Variants in ANKRD13A observed in about 807,000 individuals in gnomAD.
The protein encoded by ANKRD13A is ankyrin repeat domain-containing protein 13A.
In ANKRD13A, 48 loss-of-function variants were observed where a neutral mutation model predicts 81.3. The ratio of observed to expected loss-of-function variants is 0.59; its 90% CI spans 0.47 to 0.75. The LOEUF (loss-of-function observed/expected upper bound fraction) is 0.75. ANKRD13A is among the 30% of genes least tolerant of loss of function. The pLI, the probability that ANKRD13A is intolerant of heterozygous loss-of-function variation, is 0.00. For missense variants in ANKRD13A, 612 were observed against 734.0 expected (o/e 0.83, Z 1.92); for synonymous variants, 230 against 270.1 (o/e 0.85, Z 1.45).
chr12:109,999,724 C>T lies in ANKRD13A; in HGVS notation c.36C>T (p.Pro12=). The T allele has an allele frequency of 1.3e-6, 2 of 1,537,776 alleles. No homozygotes were observed. The highest frequency in any genetic ancestry group is 1.2e-5 in the South Asian group (1 of 82,630). The change falls in exon 1 of 15, where the codon CCC becomes CCT. Residue 12 remains proline, a synonymous_variant. Coordinates refer to ENST00000261739, the MANE Select transcript of ANKRD13A (RefSeq NM_033121.2). This position sits in a 1 kb window ranked among gnomAD's most constrained non-coding sequence, Gnocchi z 4.3. ...SSACDAGDHY[P]LHLLVWKNDY... is the part of the protein sequence containing the mutation. ...CCTGCGACGCGGGCGACCACTACCCCCTGCACCTCCTAGTCTGGAAAAACG... is the reference window on the plus strand; with the variant it reads ...CCTGCGACGCGGGCGACCACTACCCTCTGCACCTCCTAGTCTGGAAAAACG...
intron 12 of ANKRD13A, among the ~76,000 whole-genome samples, chr12:110,031,414 C>T (rs1891684525): frequency 6.6e-6 from 1 of 151,544 alleles, no homozygotes; most frequent in African/African-American, 2.4e-5. Context: ...TGCAGTGGCA[C>T]AATCTCTGCT....
At chr12:110,005,174 C>T (rs966980477) in intron 1 of ANKRD13A, among the ~76,000 whole-genome samples, 8 of 151,968 alleles carry the variant, frequency 5.3e-5, no homozygotes, top group African/African-American at 1.9e-4. Context: ...GTTTTTGAGA[C>T]AGGGTCTCAC....
At chr12:110,007,964 T>C (rs1311524297) in intron 1 of ANKRD13A, among the ~76,000 whole-genome samples, 3 of 152,190 alleles carry the variant, frequency 2.0e-5, no homozygotes, top group African/African-American at 7.2e-5. Context: ...TCATCTTCCT[T>C]TCCATTCTGG....
chr12:110,016,566 A>G, intron 4 of ANKRD13A, 133 bp downstream of exon 4: 1 of 797,942 alleles, frequency 1.3e-6, no homozygotes, highest in East Asian at 2.7e-5. Flanking sequence ...GAATAAGGAA[A>G]AATAATCACT....
At chr12:110,006,169 C>A (rs1306388275) in intron 1 of ANKRD13A, among the ~76,000 whole-genome samples, 2 of 152,154 alleles carry the variant, frequency 1.3e-5, no homozygotes, top group African/African-American at 2.4e-5. Context: ...TGGGTATATA[C>A]CTTGGAGAGG....
chr12:110,034,039 A>G, intron 13 of ANKRD13A, 82 bp downstream of exon 13: 1 of 1,324,056 alleles, frequency 7.6e-7, no homozygotes, highest in Non-Finnish European at 1.0e-6. Flanking sequence ...CTAATCTGAA[A>G]GATTTATTCT....
chr12:110,005,080 A>G (rs1161660400), intron 1 of ANKRD13A, among the ~76,000 whole-genome samples: 2 of 152,186 alleles, frequency 1.3e-5, no homozygotes, highest in Non-Finnish European at 2.9e-5. Flanking sequence ...AATGGTTTTT[A>G]GTATATCTGC....
At chr12:110,019,415 G>A in intron 6 of ANKRD13A, 87 bp downstream of exon 6, 2 of 1,291,414 alleles carry the variant, frequency 1.5e-6, no homozygotes, top group South Asian at 3.4e-5. Flanking sequence ...AATTATGGAT[G>A]GATTGGGCTT....
In ANKRD13A at chr12:110,037,547, A is replaced by C. The variant is rs1892140371; in HGVS notation, c.1766A>C (p.Asp589Ala). ...CAAGTCTTACAGCTGTCACTCACTG[A>C]CAAATAGACCTTTCAGCCTGTGAGC... The part of the protein sequence containing the change: ...LQQVLQLSLT[D>A]K The change falls in exon 15 of 15, where the codon GAC becomes GCC. Residue 589 changes from aspartate to alanine, a missense_variant. Transcript: ENST00000261739. The C allele has an allele frequency of 6.2e-7, 1 of 1,612,926 alleles. No homozygotes were observed. Among genetic ancestry groups the C allele is most frequent in the Non-Finnish European group, 8.5e-7 (1 of 1,179,874 alleles).
rs1419424204 is a variant in ANKRD13A at position 110,012,014 on chromosome 12, G to A, written c.106G>A (p.Ala36Thr). The change falls in exon 2 of 15, where the codon GCT (alanine) becomes ACT (threonine). Residue 36 changes from alanine to threonine, a missense_variant. Coordinates refer to ENST00000261739, the MANE Select transcript of ANKRD13A (RefSeq NM_033121.2). ...EKELQGQNVE[A>T]VDPRGRTLLH... ...AGTGTTTCCTTCACAGAATGTGGAG[G>A]CTGTGGACCCACGAGGTCGAACATT... 4 of 1,607,440 alleles carry A rather than the reference G, an allele frequency of 2.5e-6. No individual in the cohort carries two copies. The highest frequency in any genetic ancestry group is 2.7e-5 in the African/African-American group (2 of 74,876).
chr12:110,028,921 A>G (rs1285305209), intron 10 of ANKRD13A: 4 of 313,960 alleles, frequency 1.3e-5, no homozygotes, highest in Non-Finnish European at 1.8e-5. Context: ...TATTTTTAGT[A>G]GAGATAGGGT....
rs769677196 is a variant in ANKRD13A at position 110,037,540 on chromosome 12, C to T, written c.1759C>T (p.Leu587Phe). ...GCTCCAGCAAGTCTTACAGCTGTCA[C>T]TCACTGACAAATAGACCTTTCAGCC... is the stretch of plus-strand genomic sequence containing the variant. Reference protein sequence around the residue: ...AELQQVLQLSLTDK With the variant: ...AELQQVLQLSFTDK The change falls in exon 15 of 15, where the codon CTC (leucine) becomes TTC (phenylalanine). Residue 587 changes from leucine to phenylalanine, a missense_variant. Physicochemically the swap from Leu to Phe is conservative, Grantham distance 22 (BLOSUM62 0). Coordinates refer to ENST00000261739, the MANE Select transcript of ANKRD13A (RefSeq NM_033121.2). 1 of 1,613,500 alleles carries T rather than the reference C, an allele frequency of 6.2e-7. No individual in the cohort carries two copies. The highest frequency in any genetic ancestry group is 8.5e-7 in the Non-Finnish European group (1 of 1,180,004).
At chr12:110,033,351 C>T (rs1002974580) in intron 12 of ANKRD13A, among the ~76,000 whole-genome samples, 19 of 151,866 alleles carry the variant, frequency 1.3e-4, no homozygotes, top group African/African-American at 4.1e-4. Context: ...CGTGAGCCAC[C>T]GCGCCCGGCA....
chr12:110,006,355 G>A (rs898464779), intron 1 of ANKRD13A, among the ~76,000 whole-genome samples: 2 of 152,164 alleles, frequency 1.3e-5, no homozygotes, highest in African/African-American at 4.8e-5. Context: ...ATCCTAGTGG[G>A]TGTGAAGTGG....
intron 11 of ANKRD13A, 23 bp from the exon 12 acceptor site, chr12:110,030,622 A>G (rs745825593): frequency 6.9e-7 from 1 of 1,455,588 alleles, no homozygotes; most frequent in Non-Finnish European, 9.4e-7. Context: ...TTTACTTATA[A>G]AAGTTTTTAT....
intron 4 of ANKRD13A, 87 bp downstream of exon 4, chr12:110,016,520 A>G (rs1325233263): frequency 7.9e-5 from 104 of 1,320,298 alleles, no homozygotes; most frequent in Non-Finnish European, 1.0e-4. Flanking sequence ...TAAAAGTTAC[A>G]TGTATTTTTT....
intron 1 of ANKRD13A, among the ~76,000 whole-genome samples, chr12:110,002,408 G>A (rs889730406): frequency 2.6e-5 from 4 of 152,140 alleles, no homozygotes; most frequent in Admixed American, 6.5e-5. Context: ...CCTGAGGTCA[G>A]GAGTTGGAGA....
intron 3 of ANKRD13A, among the ~76,000 whole-genome samples, 189 bp from the exon 4 acceptor site, chr12:110,016,199 C>T (rs1443018163): frequency 6.6e-6 from 1 of 152,098 alleles, no homozygotes; most frequent in African/African-American, 2.4e-5. Context: ...TCACCCGCCT[C>T]AGCCTCCCAA....
At position 110,025,835 on chromosome 12, in the gene ANKRD13A, C is replaced by G. The variant is rs748184822; in HGVS notation, c.883+12C>G. On this transcript the variant is annotated intron_variant, in intron 8 of 14. Transcript: ENST00000261739. ...AAAGAGATATAAAGGTAATCACCACCACCCTCCCACCTCCTGTTTTGTTGT... is the reference window on the plus strand; with the variant it reads ...AAAGAGATATAAAGGTAATCACCACGACCCTCCCACCTCCTGTTTTGTTGT... 5.0e-6 allele frequency: 8 copies of G among 1,605,542 alleles called. No homozygotes were observed. The highest frequency in any genetic ancestry group is 6.8e-6 in the Non-Finnish European group (8 of 1,173,070).
Sources: allele counts gnomAD v4.1 joint callset (sites outside exome capture counted in the v4.1 genomes callset), GRCh38; gene constraint gnomAD v4.1.1; non-coding constraint Gnocchi (gnomAD v3.1); transcripts MANE v1.5; gene names NCBI Gene and HGNC (gene_info 2026-07-23, HGNC 2026-07-21).